Variants in GIPC2 observed in about 807,000 individuals in gnomAD.
GIPC2 encodes the protein GIPC PDZ domain containing family member 2, also known as PDZ domain-containing protein GIPC2.
GIPC2 carries 30 observed loss-of-function variants against 30.6 expected under a neutral mutation model. The observed-to-expected ratio is 0.98, with a 90% CI of 0.73 to 1.33. The LOEUF is 1.33. Ranked by LOEUF, GIPC2 falls within the 40% of genes most tolerant of loss-of-function variation. The probability of loss-of-function intolerance (pLI) is 0.00; values close to 1 mark genes in which losing one functional copy is unlikely to be tolerated. For synonymous variants in GIPC2, 167 were observed against 150.0 expected (o/e 1.11, Z -0.83); for missense variants, 414 against 390.3 (o/e 1.06, Z -0.51).
intron 1 of GIPC2, among the ~76,000 whole-genome samples, chr1:78,056,658 G>A (rs1430857100): frequency 1.3e-5 from 2 of 152,118 alleles, no homozygotes; most frequent in Non-Finnish European, 2.9e-5. Context: ...TAAAACAAAT[G>A]TGTAAATTAA....
chr1:78,077,799 A>T (rs2100339835), intron 1 of GIPC2, among the ~76,000 whole-genome samples: 1 of 152,356 alleles, frequency 6.6e-6, no homozygotes, highest in East Asian at 1.9e-4. Flanking sequence ...GAGTGAGGGT[A>T]TGAAAGCTCA....
chr1:78,085,303 T>C (rs1661906559), intron 2 of GIPC2, among the ~76,000 whole-genome samples: 1 of 152,114 alleles, frequency 6.6e-6, no homozygotes, highest in Non-Finnish European at 1.5e-5. Flanking sequence ...CTGGATTAGG[T>C]TTTTGATGTG....
Position 78,096,491 on chromosome 1 carries a change from G to GTT in GIPC2, c.607+1372_607+1373dup, listed in dbSNP as rs200429118. Reference sequence around the variant, plus strand: ...ATCTGTTTCCAGAGTAAATTTTTCTGTTTTTTTTTTTTTTCCCATTGTCTG... The same window carrying GTT: ...ATCTGTTTCCAGAGTAAATTTTTCTGTTTTTTTTTTTTTTTTCCCATTGTCTG... On this transcript the variant is annotated intron_variant, in intron 3 of 5. Transcript: ENST00000370759. Among the ~76,000 whole-genome samples the GTT allele has an allele frequency of 2.3e-3, 311 of 135,536 alleles. 1 individual carries two copies. Among genetic ancestry groups the GTT allele is most frequent in the African/African-American group, 7.7e-3 (290 of 37,446 alleles). The allele number at this position is 135,536 out of a possible 152,430, so 88.9% of individuals were successfully genotyped here.
At chr1:78,121,970 A>C (rs1662691721) in intron 4 of GIPC2, among the ~76,000 whole-genome samples, 1 of 152,202 alleles carries the variant, frequency 6.6e-6, no homozygotes, top group African/African-American at 2.4e-5. Context: ...AACAGCTCAC[A>C]AAGGAAGCAG....
At chr1:78,081,444 G>T (rs1661827444) in intron 2 of GIPC2, among the ~76,000 whole-genome samples, 1 of 152,082 alleles carries the variant, frequency 6.6e-6, no homozygotes, top group Non-Finnish European at 1.5e-5. Context: ...CATTGTGTTA[G>T]GTATTATAAT....
intron 1 of GIPC2, among the ~76,000 whole-genome samples, chr1:78,079,199 C>T (rs372107191): frequency 1.8e-3 from 280 of 152,190 alleles, no homozygotes; most frequent in African/African-American, 6.5e-3. Flanking sequence ...GAAAAGAGGA[C>T]AAGTTGGGGG....
intron 3 of GIPC2, among the ~76,000 whole-genome samples, chr1:78,119,026 A>G (rs1398688826): frequency 7.1e-6 from 1 of 141,632 alleles, no homozygotes; most frequent in African/African-American, 2.6e-5. Flanking sequence ...GGGAGAAGAA[A>G]CCTCTCTTCT....
chr1:78,062,970 G>A (rs752466034), intron 1 of GIPC2, among the ~76,000 whole-genome samples: 1 of 152,130 alleles, frequency 6.6e-6, no homozygotes, highest in Non-Finnish European at 1.5e-5. Flanking sequence ...GGATATCTTT[G>A]ACTTGAGGTC....
chr1:78,049,421 A>G (rs1304683680), intron 1 of GIPC2, among the ~76,000 whole-genome samples: 1 of 152,216 alleles, frequency 6.6e-6, no homozygotes, highest in Non-Finnish European at 1.5e-5. Flanking sequence ...TCGGCCTCCC[A>G]AAGTGCGTGA....
At chr1:78,056,064 T>C (rs563022774) in intron 1 of GIPC2, among the ~76,000 whole-genome samples, 2 of 152,336 alleles carry the variant, frequency 1.3e-5, no homozygotes, top group African/African-American at 2.4e-5. Flanking sequence ...GACTGGGTTC[T>C]GTGCCTATCC....
At chr1:78,060,932 T>G (rs780579322) in intron 1 of GIPC2, among the ~76,000 whole-genome samples, 3 of 151,860 alleles carry the variant, frequency 2.0e-5, no homozygotes, top group Non-Finnish European at 4.4e-5. Flanking sequence ...AAGAGCATAT[T>G]GTATTCTGTT....
intron 2 of GIPC2, among the ~76,000 whole-genome samples, chr1:78,082,989 A>G (rs1216507614): frequency 2.0e-5 from 3 of 152,090 alleles, no homozygotes; most frequent in Non-Finnish European, 2.9e-5. Context: ...TTCAGAGTGT[A>G]ATTACTAAGA....
At chr1:78,111,710 C>T (rs368701209) in intron 3 of GIPC2, among the ~76,000 whole-genome samples, 3 of 152,216 alleles carry the variant, frequency 2.0e-5, no homozygotes, top group Admixed American at 1.3e-4. Context: ...GTTCTATTAA[C>T]GTGAGCCAGG....
chr1:78,133,749 ATTGTGTGTGTGTGT>A (rs1557554590), intron 5 of GIPC2, among the ~76,000 whole-genome samples: 1 of 96,614 alleles, frequency 1.0e-5, no homozygotes, highest in African/African-American at 4.7e-5. Flanking sequence ...GGAAAAAAAA[ATTGTGTGTGTGTGT>A]GTGTGTGTGT....
At chr1:78,133,294 T>A (rs1462404302) in intron 5 of GIPC2, among the ~76,000 whole-genome samples, 1 of 152,148 alleles carries the variant, frequency 6.6e-6, no homozygotes, top group Non-Finnish European at 1.5e-5. Flanking sequence ...TGCAGAGCAA[T>A]GTTGAATTTG....
intron 1 of GIPC2, among the ~76,000 whole-genome samples, chr1:78,063,259 G>A (rs1414144122): frequency 2.6e-5 from 4 of 152,012 alleles, no homozygotes; most frequent in Non-Finnish European, 5.9e-5. Context: ...CAGCACTTTG[G>A]GAGGCCGAGA....
In GIPC2 at chr1:78,080,823, C is replaced by T. The variant is rs553061425; in HGVS notation, c.389C>T (p.Thr130Ile). Residue 130 changes from threonine (T) to isoleucine (I), a missense_variant, in exon 2 of 6, where the codon ACC (threonine) becomes ATC (isoleucine). Transcript: ENST00000370759. ...VYKSEDSLGL[T>I]ITDNGVGYAF... ...AAATCTGAGGATTCACTTGGTCTCACCATTACAGATAATGGTGTTGGCTAT... is the reference window on the plus strand; with the variant it reads ...AAATCTGAGGATTCACTTGGTCTCATCATTACAGATAATGGTGTTGGCTAT... 5.3e-5 allele frequency: 85 copies of T among 1,608,944 alleles called. No homozygotes were observed. The South Asian group carries it at 8.4e-4, about 16-fold the overall frequency.
At chr1:78,086,125 C>T (rs925391861) in intron 2 of GIPC2, among the ~76,000 whole-genome samples, 4 of 152,130 alleles carry the variant, frequency 2.6e-5, no homozygotes, top group African/African-American at 7.2e-5. Flanking sequence ...TATGTTGTAT[C>T]TTTGTTCTCA....
intron 1 of GIPC2, among the ~76,000 whole-genome samples, chr1:78,064,742 CTTTTTTT>C (rs11327469): frequency 9.4e-6 from 1 of 106,718 alleles, no homozygotes; most frequent in Non-Finnish European, 1.9e-5. Flanking sequence ...CTCATGCAAC[CTTTTTTT>C]TTTTTTTTTT....
Sources: gnomAD v4.1 joint callset for allele counts (sites outside exome capture counted in the v4.1 genomes callset) on GRCh38, gnomAD v4.1.1 for gene constraint, MANE v1.5 for transcripts, NCBI Gene and HGNC (gene_info 2026-07-23, HGNC 2026-07-21) for gene names.